The following SLC22A3 variants were observed in gnomAD, a reference collection of about 807,000 sequenced individuals.
SLC22A3 encodes the protein EMT organic cation transporter 3.
A neutral mutation model predicts 59.1 loss-of-function variants in SLC22A3; 51 were observed. That is an observed-to-expected ratio of 0.86 (90% CI 0.69 to 1.09). The LOEUF (loss-of-function observed/expected upper bound fraction) is 1.09, where lower values mean the gene tolerates loss of function less well. Among genes scored for constraint, SLC22A3 ranks in the 50% least tolerant of loss-of-function variants. SLC22A3 has a pLI of 0.00. For synonymous variants in SLC22A3, 325 were observed against 292.0 expected (o/e 1.11, Z -1.15); for missense variants, 711 against 726.3 (o/e 0.98, Z 0.24).
At chr6:160,440,037 C>T (rs1203813222) in intron 7 of SLC22A3, among the ~76,000 whole-genome samples, 1 of 152,082 alleles carries the variant, frequency 6.6e-6, no homozygotes, top group Non-Finnish European at 1.5e-5. Context: ...ACACTTTAAT[C>T]AGCTTTCCCT....
At chr6:160,448,391 T>G (rs1788824507) in intron 10 of SLC22A3, among the ~76,000 whole-genome samples, 1 of 152,116 alleles carries the variant, frequency 6.6e-6, no homozygotes, top group Non-Finnish European at 1.5e-5. Flanking sequence ...ATAGATATAA[T>G]AGATGATAAT....
intron 7 of SLC22A3, among the ~76,000 whole-genome samples, chr6:160,438,622 A>T (rs1040307274): frequency 1.5e-5 from 2 of 135,562 alleles, no homozygotes; most frequent in Non-Finnish European, 3.2e-5. Flanking sequence ...ACACACACAC[A>T]CAATGTACAA....
At chr6:160,412,858 ATATATTTAGGAATATAGAAT>A (rs1787312426) in intron 5 of SLC22A3, among the ~76,000 whole-genome samples, 1 of 152,148 alleles carries the variant, frequency 6.6e-6, no homozygotes, top group Non-Finnish European at 1.5e-5. Context: ...AAATATAGAA[ATATATTTAGGAATATAGAAT>A]ATAGAAGAAA....
chr6:160,365,626 C>T (rs1785178019), intron 1 of SLC22A3, among the ~76,000 whole-genome samples: 1 of 152,132 alleles, frequency 6.6e-6, no homozygotes, highest in East Asian at 1.9e-4. Flanking sequence ...GATGGCTAAC[C>T]TTACACTTGA....
At position 160,450,925 on chromosome 6, in the gene SLC22A3, A is replaced by C. The variant is rs755485658; in HGVS notation, c.1611-71A>C. The C allele has an allele frequency of 3.6e-6, 5 of 1,396,006 alleles. No homozygotes were observed. The Admixed American group carries it at 5.9e-5, about 16-fold the overall frequency. 86.5% of individuals were successfully genotyped at this position (1,396,006 alleles called of 1,614,324 possible). On this transcript the variant is annotated intron_variant, in intron 10 of 10. Transcript: ENST00000275300. ...TGATCAAAACCAGCTATACTATTAA[A>C]TAATAACAGAACACCCTCTTCTAAC... is the stretch of plus-strand genomic sequence containing the variant.
At position 160,415,524 on chromosome 6, in the gene SLC22A3, C is replaced by T. The variant is rs1177600410; in HGVS notation, c.975+4678C>T. ...TAACCCACATCCCTCTCTCTGGATA[C>T]AGTTTCCAGGATGTTCAGACCCACG... On this transcript the variant is annotated intron_variant, in intron 5 of 10. Coordinates refer to ENST00000275300, the MANE Select transcript of SLC22A3 (RefSeq NM_021977.4). This position sits in a 1 kb window ranked among gnomAD's most constrained non-coding sequence, Gnocchi z 4.1. Among the ~76,000 whole-genome samples the T allele has an allele frequency of 1.3e-5, 2 of 152,204 alleles. No individual in the cohort carries two copies. Among genetic ancestry groups the T allele is most frequent in the East Asian group, 3.8e-4 (2 of 5,196 alleles).
chr6:160,429,006 G>A (rs1002831566), intron 5 of SLC22A3, among the ~76,000 whole-genome samples: 10 of 152,130 alleles, frequency 6.6e-5, no homozygotes, highest in African/African-American at 1.9e-4. Flanking sequence ...TGACTAATGA[G>A]CTCATTATCC....
Position 160,452,510 on chromosome 6 carries a change from C to A in SLC22A3, c.*1454C>A, listed in dbSNP as rs1243141062. 6.6e-6 allele frequency: 1 copy of A among 152,176 alleles called. No homozygotes were observed. Among genetic ancestry groups the A allele is most frequent in the African/African-American group, 2.4e-5 (1 of 41,418 alleles). 9.4% of individuals were successfully genotyped at this position (152,176 alleles called of 1,614,324 possible). On this transcript the variant is annotated 3_prime_UTR_variant, in exon 11 of 11. Transcript: ENST00000275300. ...TTTCTCTGCTGTAAGATGACTGTTG[C>A]ATTGTTGAATTGTATTTTGAGTGGA...
At chr6:160,434,964 C>G (rs868147750) in intron 5 of SLC22A3, among the ~76,000 whole-genome samples, 1 of 151,076 alleles carries the variant, frequency 6.6e-6, no homozygotes, top group Admixed American at 6.6e-5. Flanking sequence ...TATCTTGCAT[C>G]TCCACCATCG....
chr6:160,447,944 T>C (rs537351049), intron 10 of SLC22A3, 126 bp downstream of exon 10: 26 of 800,950 alleles, frequency 3.2e-5, no homozygotes, highest in Non-Finnish European at 4.9e-5. Context: ...TCTCATATTG[T>C]AAGCAAAAAA....
chr6:160,349,179 C>T (rs1784578789), intron 1 of SLC22A3: 1 of 655,716 alleles, frequency 1.5e-6, no homozygotes, highest in Non-Finnish European at 1.9e-6. Flanking sequence ...CGTTCCTTAT[C>T]TTTGAGGTGT....
intron 7 of SLC22A3, among the ~76,000 whole-genome samples, chr6:160,441,884 A>G (rs1267736464): frequency 6.6e-6 from 1 of 152,224 alleles, no homozygotes; most frequent in Non-Finnish European, 1.5e-5. Flanking sequence ...ATATGTCCTC[A>G]ATACCAAATC....
intron 1 of SLC22A3, among the ~76,000 whole-genome samples, chr6:160,392,322 C>A (rs182398328): frequency 5.3e-4 from 81 of 152,320 alleles, no homozygotes; most frequent in Middle Eastern, 3.4e-3. Context: ...TCTGGTCCAA[C>A]CTTCTTCAAG....
At chr6:160,424,170 G>A (rs1348403339) in intron 5 of SLC22A3, among the ~76,000 whole-genome samples, 1 of 152,084 alleles carries the variant, frequency 6.6e-6, no homozygotes, top group African/African-American at 2.4e-5. Context: ...GTCCCAGTGG[G>A]CCACAGATCC....
chr6:160,450,861 A>G (rs1788932201), intron 10 of SLC22A3, 135 bp from the exon 11 acceptor site: 3 of 824,274 alleles, frequency 3.6e-6, no homozygotes, highest in Non-Finnish European at 6.0e-6. Context: ...GGAGACAGAT[A>G]TTGTTGTTAC....
intron 1 of SLC22A3, among the ~76,000 whole-genome samples, chr6:160,358,312 G>A (rs542133497): frequency 6.6e-6 from 1 of 152,300 alleles, no homozygotes; most frequent in South Asian, 2.1e-4. Context: ...CATTCAAAGT[G>A]CTTGTCCTGT....
At chr6:160,442,954 G>T in intron 8 of SLC22A3, 85 bp downstream of exon 8, 1 of 1,056,630 alleles carries the variant, frequency 9.5e-7, no homozygotes, top group South Asian at 1.3e-5. Context: ...CTATGAAGTC[G>T]TTTCCTTAGC....
chr6:160,398,029 C>T lies in SLC22A3; in HGVS notation c.480C>T (p.Ile160=). ...NAWMLDLTQA[I]LNLGFLTGAF... is the part of the protein sequence containing the mutation. Reference sequence around the variant, plus strand: ...GGATGCTGGACCTCACCCAAGCCATCCTGAACCTCGGCTTCCTGACTGGAG... The same window carrying T: ...GGATGCTGGACCTCACCCAAGCCATTCTGAACCTCGGCTTCCTGACTGGAG... The change falls in exon 2 of 11, where the codon ATC becomes ATT. Residue 160 remains isoleucine (I), a synonymous_variant. Transcript: ENST00000275300. 1 of 1,613,844 alleles carries T rather than the reference C, an allele frequency of 6.2e-7. No homozygotes were observed. The highest frequency in any genetic ancestry group is 1.7e-5 in the Admixed American group (1 of 60,020).
intron 2 of SLC22A3, among the ~76,000 whole-genome samples, chr6:160,399,413 T>G (rs1312723501): frequency 6.7e-6 from 1 of 149,764 alleles, no homozygotes; most frequent in East Asian, 1.9e-4. Context: ...TTCATCTGTG[T>G]TTTTTTTCTC....
Sources: allele counts gnomAD v4.1 joint callset (sites outside exome capture counted in the v4.1 genomes callset), GRCh38; gene constraint gnomAD v4.1.1; non-coding constraint Gnocchi (gnomAD v3.1); transcripts MANE v1.5; gene names NCBI Gene and HGNC (gene_info 2026-07-23, HGNC 2026-07-21).